CPVL: variants seen among roughly 807,000 people sequenced by gnomAD.
CPVL encodes carboxypeptidase vitellogenic like.
In CPVL, 51 loss-of-function variants were observed where a neutral mutation model predicts 63.7. The ratio of observed to expected loss-of-function variants is 0.80; its 90% CI spans 0.64 to 1.01. The LOEUF (loss-of-function observed/expected upper bound fraction) is 1.01, where lower values mean the gene tolerates loss of function less well. CPVL is among the 50% of genes least tolerant of loss of function. The probability of loss-of-function intolerance (pLI) is 0.00; values close to 1 mark genes in which losing one functional copy is unlikely to be tolerated. For missense variants in CPVL, 530 were observed against 573.1 expected, an observed-to-expected ratio of 0.92 and a Z score of 0.77; for synonymous variants, 195 against 206.0, an observed-to-expected ratio of 0.95 and a Z score of 0.46.
chr7:29,155,753 G>A (rs1321538794), intron 5 of CPVL, among the ~76,000 whole-genome samples: 1 of 152,190 alleles, frequency 6.6e-6, no homozygotes, highest in Non-Finnish European at 1.5e-5. Context: ...GAGCCAGGAG[G>A]GTAGGCTGGC....
intron 5 of CPVL, among the ~76,000 whole-genome samples, chr7:29,177,449 T>C (rs1381760779): frequency 6.6e-6 from 1 of 152,104 alleles, no homozygotes; most frequent in East Asian, 1.9e-4. Flanking sequence ...AGATGGGGTT[T>C]CACCATGTTG....
At position 29,033,144 on chromosome 7, in the gene CPVL, C is replaced by CA. The variant is rs369184189; in HGVS notation, c.1138-2386dup. Reference sequence around the variant, plus strand: ...TGAAGGGCACATAAGTCAAATGCAACAAAAAAGAAATCAGAATAACGATCA... The same window carrying CA: ...TGAAGGGCACATAAGTCAAATGCAACAAAAAAAGAAATCAGAATAACGATCA... On this transcript the variant is annotated intron_variant, in intron 11 of 12. Coordinates refer to ENST00000265394, the MANE Select transcript of CPVL (RefSeq NM_031311.5). Among the ~76,000 whole-genome samples the CA allele has an allele frequency of 9.2e-5, 14 of 152,140 alleles. 2 individuals carry two copies. The highest frequency in any genetic ancestry group is 3.4e-4 in the African/African-American group (14 of 41,504).
intron 12 of CPVL, among the ~76,000 whole-genome samples, chr7:29,021,998 TGG>T (rs1787038789): frequency 6.6e-6 from 1 of 152,134 alleles, no homozygotes; most frequent in African/African-American, 2.4e-5. Context: ...TGAAACACAC[TGG>T]GGAGGCTGCC....
rs991671136 is a variant in CPVL, at chr7:29,195,146, G to T, written c.-517C>A. ...GGGGTGATACTTGTTTGGTTCGCCA[G>T]CACCTCGGTGCCCAGAGCACCTCCG... On this transcript the variant is annotated 5_prime_UTR_variant, in exon 1 of 17. Coordinates refer to the CPVL transcript ENST00000409850. The T allele has an allele frequency of 3.3e-5, 22 of 676,612 alleles. No homozygotes were observed. In the African/African-American group the frequency reaches 4.0e-4, roughly 12 times the overall value. 41.9% of individuals were successfully genotyped at this position (676,612 alleles called of 1,614,324 possible).
At chr7:29,155,675 G>A (rs1347950448) in intron 5 of CPVL, among the ~76,000 whole-genome samples, 3 of 152,130 alleles carry the variant, frequency 2.0e-5, no homozygotes, top group Non-Finnish European at 2.9e-5. Context: ...TCCAATCATC[G>A]TCCTGCTTCC....
At chr7:29,169,427 A>G (rs979625747) in intron 5 of CPVL, among the ~76,000 whole-genome samples, 1 of 152,132 alleles carries the variant, frequency 6.6e-6, no homozygotes, top group African/African-American at 2.4e-5. Flanking sequence ...AAAACTTACC[A>G]TTAGTGATTT....
chr7:29,183,865 G>A (rs1798372856), intron 4 of CPVL, among the ~76,000 whole-genome samples: 1 of 151,992 alleles, frequency 6.6e-6, no homozygotes, highest in Non-Finnish European at 1.5e-5. Flanking sequence ...AACCAAAAAT[G>A]TTAGAAAAAA....
At chr7:29,151,221 G>T (rs959697428), upstream of CPVL, among the ~76,000 whole-genome samples, 1 of 152,140 alleles carries the variant, frequency 6.6e-6, no homozygotes, top group Non-Finnish European at 1.5e-5. Context: ...TCTAATAAGT[G>T]CTTCCACTCT....
Position 29,179,136 on chromosome 7 carries a change from C to T in CPVL, c.-11+2154G>A, listed in dbSNP as rs564229820. Among the ~76,000 whole-genome samples, 4 of 152,264 alleles carry T rather than the reference C, an allele frequency of 2.6e-5. No homozygotes were observed. In the South Asian group the frequency reaches 8.3e-4, roughly 32 times the overall value. ...GTCCTCATGGACCCTTTGAAAACAG[C>T]CCCTCCATTTTCTTTTTGCCAAGCT... On this transcript the variant is annotated intron_variant, in intron 5 of 16. Coordinates refer to the CPVL transcript ENST00000409850.
chr7:29,164,472 A>AT (rs1236094379), intron 5 of CPVL, among the ~76,000 whole-genome samples: 3 of 150,952 alleles, frequency 2.0e-5, no homozygotes, highest in African/African-American at 7.4e-5. Flanking sequence ...ATTTCATTTC[A>AT]TTTTTTTGAA....
intron 5 of CPVL, among the ~76,000 whole-genome samples, chr7:29,161,057 A>G (rs1188460835): frequency 3.9e-5 from 6 of 152,146 alleles, no homozygotes; most frequent in Non-Finnish European, 8.8e-5. Context: ...TATTTTCTGT[A>G]TAATACCTAG....
upstream of CPVL, chr7:29,195,358 C>A: frequency 4.1e-6 from 1 of 246,734 alleles, no homozygotes; most frequent in South Asian, 1.1e-4. Flanking sequence ...GCGCCCCGAC[C>A]TGTTTGCCGT....
chr7:29,103,266 G>C (rs1481543923), intron 3 of CPVL, among the ~76,000 whole-genome samples: 2 of 97,970 alleles, frequency 2.0e-5, no homozygotes, highest in Admixed American at 2.5e-4. Flanking sequence ...TTTTTTTTGA[G>C]ATGGAGGCTT....
chr7:29,158,048 A>T (rs1794661128), intron 5 of CPVL, among the ~76,000 whole-genome samples: 1 of 152,176 alleles, frequency 6.6e-6, no homozygotes, highest in Non-Finnish European at 1.5e-5. Context: ...GCAGGGAGGT[A>T]ATCAAATAAA....
chr7:29,018,503 C>T (rs544166882), intron 12 of CPVL, among the ~76,000 whole-genome samples: 28 of 151,696 alleles, frequency 1.8e-4, no homozygotes, highest in African/African-American at 6.5e-4. Flanking sequence ...CTCTGACTCC[C>T]GAGTAGCTGG....
intron 2 of CPVL, chr7:29,113,725 G>A (rs1788480831): frequency 6.6e-6 from 1 of 152,162 alleles, no homozygotes; most frequent in Non-Finnish European, 1.5e-5. Flanking sequence ...CAGTCAGGCT[G>A]CAGAGTTTGT....
chr7:29,129,657 T>TG (rs1165835940), intron 1 of CPVL, among the ~76,000 whole-genome samples: 5 of 152,054 alleles, frequency 3.3e-5, no homozygotes, highest in Admixed American at 2.0e-4. Flanking sequence ...TTAGTAGAGG[T>TG]GGGGTTTCAC....
chr7:29,174,815 G>A (rs1381521392), intron 5 of CPVL, among the ~76,000 whole-genome samples: 2 of 149,830 alleles, frequency 1.3e-5, no homozygotes, highest in African/African-American at 4.9e-5. Context: ...AGCCAAGATT[G>A]TGCCATCGCA....
In CPVL at chr7:29,064,210, C is replaced by T; in HGVS notation, c.988G>A (p.Val330Met). The T allele has an allele frequency of 6.2e-7, 1 of 1,612,850 alleles. No individual in the cohort carries two copies. Among genetic ancestry groups the T allele is most frequent in the Non-Finnish European group, 8.5e-7 (1 of 1,179,160 alleles). ...CTEPEDQLYY[V>M]KFLSLPEVRQ... is the part of the protein sequence containing the mutation. Reference sequence around the variant, plus strand: ...ACCTCTGGGAGTGACAAAAATTTCACATAGTAAAGCTGATCCTCAGGTTCC... The same window carrying T: ...ACCTCTGGGAGTGACAAAAATTTCATATAGTAAAGCTGATCCTCAGGTTCC... Residue 330 changes from valine (V) to methionine (M), a missense_variant, in exon 11 of 13, where the codon GTG (valine) becomes ATG (methionine). Coordinates refer to ENST00000265394, the MANE Select transcript of CPVL (RefSeq NM_031311.5).
Sources: gnomAD v4.1 joint callset for allele counts (sites outside exome capture counted in the v4.1 genomes callset) on GRCh38, gnomAD v4.1.1 for gene constraint, MANE v1.5 for transcripts, NCBI Gene and HGNC (gene_info 2026-07-23, HGNC 2026-07-21) for gene names.